NRXN3: variants seen among roughly 807,000 people sequenced by gnomAD.
The protein encoded by NRXN3 is neurexin III.
In NRXN3, 32 loss-of-function variants were observed where a neutral mutation model predicts 137.6. That is an observed-to-expected ratio of 0.23 (90% CI 0.18 to 0.31). The LOEUF (loss-of-function observed/expected upper bound fraction) is 0.31. NRXN3 is among the 10% of genes least tolerant of loss of function. The pLI is 1.00. For synonymous variants in NRXN3, 798 were observed against 784.5 expected (o/e 1.02, Z -0.29); for missense variants, 1,574 against 2,062.5 (o/e 0.76, Z 4.59).
intron 8 of NRXN3, among the ~76,000 whole-genome samples, chr14:78,759,537 C>A (rs1034033933): frequency 7.2e-5 from 11 of 152,142 alleles, no homozygotes; most frequent in African/African-American, 2.7e-4. Context: ...GACTTTTCCT[C>A]ATTTGTGTCA....
At chr14:78,552,455 C>G (rs2096701202) in intron 4 of NRXN3, among the ~76,000 whole-genome samples, 1 of 152,136 alleles carries the variant, frequency 6.6e-6, no homozygotes. Context: ...CCAGCTGCCT[C>G]TAACTGTGGT....
intron 16 of NRXN3, among the ~76,000 whole-genome samples, chr14:79,518,184 C>T (rs1045559479): frequency 6.6e-6 from 1 of 151,858 alleles, no homozygotes; most frequent in Non-Finnish European, 1.5e-5. Context: ...GGATTACAGG[C>T]GTGAGCCACG....
chr14:79,014,945 G>A (rs559682731), intron 15 of NRXN3, among the ~76,000 whole-genome samples: 59 of 152,218 alleles, frequency 3.9e-4, no homozygotes, highest in African/African-American at 1.3e-3. Context: ...ATGAGTCCTG[G>A]TGCATGGTAA....
At chr14:78,457,924 T>C (rs1480945016) in intron 4 of NRXN3, among the ~76,000 whole-genome samples, 2 of 152,144 alleles carry the variant, frequency 1.3e-5, no homozygotes, top group African/African-American at 4.8e-5. Flanking sequence ...CAGATGGTAG[T>C]TGCACATATA....
intron 15 of NRXN3, among the ~76,000 whole-genome samples, chr14:79,253,225 G>A (rs568011638): frequency 4.6e-5 from 7 of 152,164 alleles, no homozygotes; most frequent in East Asian, 1.9e-4. Flanking sequence ...CTGTTCTTCT[G>A]TGGGAAAGGG....
chr14:78,501,903 T>C (rs2095883828), intron 4 of NRXN3, among the ~76,000 whole-genome samples: 1 of 152,156 alleles, frequency 6.6e-6, no homozygotes, highest in Non-Finnish European at 1.5e-5. Context: ...GAGGGCCTTA[T>C]GCAAATGAAT....
intron 15 of NRXN3, among the ~76,000 whole-genome samples, chr14:79,041,311 C>G (rs894406818): frequency 6.6e-6 from 1 of 152,050 alleles, no homozygotes; most frequent in African/African-American, 2.4e-5. Context: ...TTAGCAGGTA[C>G]TTTCATTCAT....
At chr14:78,170,735 T>C (rs1176043994) in intron 1 of NRXN3, 61 bp downstream of exon 1, 2 of 152,206 alleles carry the variant, frequency 1.3e-5, no homozygotes, top group African/African-American at 2.4e-5. Context: ...TTCTTGTCCG[T>C]TCTGGGAAGA....
chr14:79,637,746 T>TTTTTTTTTTTTTTTTTTTTTTTTC (rs2098412648), intron 16 of NRXN3, among the ~76,000 whole-genome samples: 1 of 146,734 alleles, frequency 6.8e-6, no homozygotes, highest in Non-Finnish European at 1.5e-5. Flanking sequence ...TTTTTTTTTT[T>TTTTTTTTTTTTTTTTTTTTTTTTC]TGAGATGGAG....
chr14:78,242,668 A>C lies in NRXN3; in HGVS notation c.-426A>C. 1 of 162,568 alleles carries C rather than the reference A, an allele frequency of 6.2e-6. No homozygotes were observed. The highest frequency in any genetic ancestry group is 1.3e-5 in the Non-Finnish European group (1 of 75,148). The allele number at this position is 162,568 out of a possible 1,614,324, so 10.1% of individuals were successfully genotyped here. On this transcript the variant is annotated 5_prime_UTR_variant, in exon 2 of 21. Coordinates refer to ENST00000335750, the MANE Select transcript of NRXN3 (RefSeq NM_001330195.2). ...TGTCCCTGGCCTCCCTGGCTGGGGC[A>C]TTTGGGGGTCCGCTGGGAGGAGTGC...
At chr14:79,696,564 TA>T (rs1014714283) in intron 18 of NRXN3, among the ~76,000 whole-genome samples, 19 of 152,106 alleles carry the variant, frequency 1.2e-4, no homozygotes, top group African/African-American at 4.6e-4. Context: ...CAATAAATTT[TA>T]AAAAGCTCTT....
chr14:79,148,814 A>T (rs926091001), intron 15 of NRXN3, among the ~76,000 whole-genome samples: 2 of 152,044 alleles, frequency 1.3e-5, no homozygotes, highest in African/African-American at 4.8e-5. Context: ...ATTTCTTAGC[A>T]TTCTTCTCCT....
At chr14:79,186,544 G>A (rs746036836) in intron 15 of NRXN3, among the ~76,000 whole-genome samples, 1 of 152,118 alleles carries the variant, frequency 6.6e-6, no homozygotes, top group Non-Finnish European at 1.5e-5. Flanking sequence ...CCCAAAGGCA[G>A]AAGAAAGAAA....
intron 15 of NRXN3, among the ~76,000 whole-genome samples, chr14:79,452,590 T>C (rs1249483496): frequency 6.6e-6 from 1 of 152,144 alleles, no homozygotes; most frequent in Non-Finnish European, 1.5e-5. Context: ...AATTTTCAAA[T>C]GTAGGGATTA....
At chr14:78,343,458 A>G (rs1184233941) in intron 4 of NRXN3, among the ~76,000 whole-genome samples, 4 of 152,220 alleles carry the variant, frequency 2.6e-5, no homozygotes, top group Non-Finnish European at 5.9e-5. Flanking sequence ...TTTTTGGCTA[A>G]GAAAGGGTAA....
chr14:79,669,821 G>A (rs565316276), intron 17 of NRXN3, among the ~76,000 whole-genome samples: 1 of 151,982 alleles, frequency 6.6e-6, no homozygotes, highest in African/African-American at 2.4e-5. Context: ...CAGTGCTATG[G>A]GTACATTGTA....
chr14:78,970,739 A>G lies in NRXN3; in HGVS notation c.3142+2393A>G, dbSNP rs31410. 9.8e-3 allele frequency among the ~76,000 whole-genome samples: 1,493 copies of G among 152,268 alleles called. 18 individuals are homozygous for G. The highest frequency in any genetic ancestry group is 0.035 in the African/African-American group (1,439 of 41,544). On this transcript the variant is annotated intron_variant, in intron 14 of 20. Transcript: ENST00000335750. ...TGTCCCTATCCCTATCTACAGCTCT[A>G]TGTGCAGTTTGGCATTACTCATCAC... is the stretch of plus-strand genomic sequence containing the variant.
At chr14:79,656,585 T>C (rs2098506913) in intron 16 of NRXN3, among the ~76,000 whole-genome samples, 1 of 151,862 alleles carries the variant, frequency 6.6e-6, no homozygotes, top group South Asian at 2.1e-4. Flanking sequence ...GTTCCTGATG[T>C]CCTAAGCTGT....
chr14:79,181,191 C>CTTGGGATG (rs1568521798), intron 15 of NRXN3, among the ~76,000 whole-genome samples: 1 of 152,034 alleles, frequency 6.6e-6, no homozygotes, highest in African/African-American at 2.4e-5. Flanking sequence ...TGAGATTCCA[C>CTTGGGATG]TTTGACCTTT....
Sources: gnomAD v4.1 joint callset for allele counts (sites outside exome capture counted in the v4.1 genomes callset) on GRCh38, gnomAD v4.1.1 for gene constraint, MANE v1.5 for transcripts, NCBI Gene and HGNC (gene_info 2026-07-23, HGNC 2026-07-21) for gene names.